Variants in HDAC9 observed in about 807,000 individuals in gnomAD.
HDAC9 encodes the protein histone deacetylase 9, also known as MEF-2 interacting transcription repressor (MITR) protein.
In HDAC9, 41 loss-of-function variants were observed where a neutral mutation model predicts 139.4. The observed-to-expected ratio is 0.29, with a 90% confidence interval of 0.23 to 0.38. HDAC9 has a LOEUF of 0.38. Ranked by LOEUF, HDAC9 falls within the 10% of genes least tolerant of loss-of-function variation. The pLI, the probability that HDAC9 is intolerant of heterozygous loss-of-function variation, is 1.00. For missense variants in HDAC9, 1,147 were observed against 1,297.0 expected (o/e 0.88, Z 1.78); for synonymous variants, 517 against 476.2 (o/e 1.09, Z -1.12).
chr7:18,113,651 C>G (rs539358942), intron 1 of HDAC9, among the ~76,000 whole-genome samples: 1 of 152,256 alleles, frequency 6.6e-6, no homozygotes, highest in South Asian at 2.1e-4. Context: ...TGGATTCTTG[C>G]TTTTAACACA....
At chr7:18,203,797 G>A (rs901733987) in intron 2 of HDAC9, among the ~76,000 whole-genome samples, 14 of 152,148 alleles carry the variant, frequency 9.2e-5, no homozygotes, top group South Asian at 8.3e-4. Context: ...TCAACACAGC[G>A]GCTGATCTGG....
At chr7:18,889,778 G>T (rs946228911) in intron 22 of HDAC9, among the ~76,000 whole-genome samples, 1 of 152,148 alleles carries the variant, frequency 6.6e-6, no homozygotes, top group African/African-American at 2.4e-5. Flanking sequence ...GTTCATTGCA[G>T]CCTTTAGCTC....
At chr7:18,207,040 AT>A (rs1253368642) in intron 2 of HDAC9, among the ~76,000 whole-genome samples, 1 of 149,732 alleles carries the variant, frequency 6.7e-6, no homozygotes, top group Non-Finnish European at 1.5e-5. Context: ...GGTTCAAGTG[AT>A]TCTCCAGCCC....
chr7:18,307,486 A>G (rs979220362), intron 1 of HDAC9, among the ~76,000 whole-genome samples: 1 of 152,170 alleles, frequency 6.6e-6, no homozygotes, highest in African/African-American at 2.4e-5. Flanking sequence ...CTTAGATTCT[A>G]AAACTAGTTT....
At chr7:18,700,132 C>G (rs953582117) in intron 12 of HDAC9, among the ~76,000 whole-genome samples, 3 of 152,152 alleles carry the variant, frequency 2.0e-5, no homozygotes, top group African/African-American at 4.8e-5. Flanking sequence ...AAAAAAATGT[C>G]TCCCTTTTGG....
chr7:18,596,611 C>T (rs1329691437), intron 6 of HDAC9, among the ~76,000 whole-genome samples: 1 of 152,058 alleles, frequency 6.6e-6, no homozygotes, highest in Non-Finnish European at 1.5e-5. Flanking sequence ...TTTAAGATAG[C>T]TTGTGTAAAG....
At chr7:18,891,024 G>T (rs569581845) in intron 22 of HDAC9, among the ~76,000 whole-genome samples, 1 of 152,106 alleles carries the variant, frequency 6.6e-6, no homozygotes, top group Non-Finnish European at 1.5e-5. Context: ...GTATTTGTGC[G>T]CTATATAAAA....
At chr7:18,898,256 T>C (rs1801392814) in intron 22 of HDAC9, among the ~76,000 whole-genome samples, 1 of 151,856 alleles carries the variant, frequency 6.6e-6, no homozygotes, top group Admixed American at 6.6e-5. Flanking sequence ...TAAAATAATA[T>C]TCTATGGGAA....
chr7:18,487,494 T>C (rs1444220539), intron 1 of HDAC9, among the ~76,000 whole-genome samples: 2 of 152,084 alleles, frequency 1.3e-5, no homozygotes, highest in African/African-American at 4.8e-5. Context: ...CCTCTGTTCT[T>C]GGCACTGAAA....
At chr7:18,402,244 T>C (rs921427407) in intron 1 of HDAC9, among the ~76,000 whole-genome samples, 10 of 152,146 alleles carry the variant, frequency 6.6e-5, no homozygotes, top group African/African-American at 2.2e-4. Context: ...CAATATAATA[T>C]AATAGGCATA....
intron 17 of HDAC9, among the ~76,000 whole-genome samples, chr7:18,817,345 T>C (rs966358941): frequency 2.0e-5 from 3 of 152,152 alleles, no homozygotes; most frequent in African/African-American, 7.2e-5. Flanking sequence ...AGAAGTATTA[T>C]TTATATTGTA....
intron 1 of HDAC9, among the ~76,000 whole-genome samples, chr7:18,375,222 C>A (rs1374570609): frequency 6.6e-6 from 1 of 152,210 alleles, no homozygotes; most frequent in Non-Finnish European, 1.5e-5. Flanking sequence ...GGAATCCCAG[C>A]ACTTTGGGAG....
chr7:18,167,923 A>G (rs377462896), intron 2 of HDAC9, among the ~76,000 whole-genome samples: 1 of 152,182 alleles, frequency 6.6e-6, no homozygotes, highest in Non-Finnish European at 1.5e-5. Flanking sequence ...AGTATTTTAT[A>G]ATGCACTCTT....
At chr7:18,773,361 GTA>G (rs1491194381) in intron 16 of HDAC9, among the ~76,000 whole-genome samples, 5 of 118,852 alleles carry the variant, frequency 4.2e-5, no homozygotes, top group Non-Finnish European at 8.8e-5. Flanking sequence ...TTAAAAAACT[GTA>G]TACACACACA....
intron 23 of HDAC9, among the ~76,000 whole-genome samples, chr7:18,953,689 G>T (rs780540909): frequency 5.9e-5 from 9 of 151,988 alleles, no homozygotes; most frequent in Non-Finnish European, 1.0e-4. Flanking sequence ...GCTTTCTATC[G>T]TGAAGTGTTC....
intron 12 of HDAC9, among the ~76,000 whole-genome samples, chr7:18,715,750 GA>G (rs1161950960): frequency 2.0e-5 from 3 of 152,120 alleles, no homozygotes; most frequent in Non-Finnish European, 4.4e-5. Context: ...TGTAATTAGT[GA>G]GATTTTATTA....
chr7:18,875,299 A>G (rs941948757), intron 22 of HDAC9, among the ~76,000 whole-genome samples: 2 of 152,216 alleles, frequency 1.3e-5, no homozygotes, highest in African/African-American at 2.4e-5. Context: ...ATAAATGTAC[A>G]TTGGCACCAG....
intron 21 of HDAC9, among the ~76,000 whole-genome samples, chr7:18,857,064 A>G (rs909182017): frequency 1.3e-5 from 2 of 151,950 alleles, no homozygotes; most frequent in African/African-American, 4.8e-5. Flanking sequence ...ACTCCCATAT[A>G]TGTCATGTTT....
At chr7:18,569,427 G>A (rs1432842451) in intron 2 of HDAC9, among the ~76,000 whole-genome samples, 3 of 152,134 alleles carry the variant, frequency 2.0e-5, no homozygotes, top group Non-Finnish European at 4.4e-5. Flanking sequence ...CCTAACTCCT[G>A]TTCTGCATAG....
Sources: gnomAD v4.1 joint callset for allele counts (sites outside exome capture counted in the v4.1 genomes callset) on GRCh38, gnomAD v4.1.1 for gene constraint, MANE v1.5 for transcripts, NCBI Gene and HGNC (gene_info 2026-07-23, HGNC 2026-07-21) for gene names.